NEGR1: variants seen among roughly 807,000 people sequenced by gnomAD.
The protein encoded by NEGR1 is IgLON family member 4.
Under a neutral mutation model 40.9 loss-of-function variants are expected in NEGR1, and 10 were observed. The ratio of observed to expected loss-of-function variants is 0.24; its 90% CI spans 0.15 to 0.42. The LOEUF is 0.42. NEGR1 is among the 10% of genes least tolerant of loss of function. The pLI, the probability that NEGR1 is intolerant of heterozygous loss-of-function variation, is 1.00. For synonymous variants in NEGR1, 185 were observed against 166.8 expected (o/e 1.11, Z -0.84); for missense variants, 352 against 438.9 (o/e 0.80, Z 1.77).
intron 5 of NEGR1, among the ~76,000 whole-genome samples, chr1:71,609,848 T>C (rs1650195986): frequency 6.6e-6 from 1 of 152,210 alleles, no homozygotes; most frequent in South Asian, 2.1e-4. Context: ...AATCCCCATA[T>C]GTTGGGGGAA....
chr1:72,225,969 C>G (rs995854966), intron 1 of NEGR1, among the ~76,000 whole-genome samples: 5 of 151,568 alleles, frequency 3.3e-5, no homozygotes, highest in Admixed American at 1.3e-4. Flanking sequence ...TAGGAGGTAA[C>G]TTAGCAGGAA....
At chr1:71,931,230 C>G (rs1645852827) in intron 2 of NEGR1, among the ~76,000 whole-genome samples, 1 of 152,086 alleles carries the variant, frequency 6.6e-6, no homozygotes, top group African/African-American at 2.4e-5. Context: ...CCTACTCTGA[C>G]CAGAGAAAAC....
intron 5 of NEGR1, among the ~76,000 whole-genome samples, chr1:71,603,838 A>T (rs928284401): frequency 6.6e-5 from 10 of 152,198 alleles, no homozygotes; most frequent in Non-Finnish European, 1.3e-4. Flanking sequence ...AACCATAAGT[A>T]AAAATCAGTA....
intron 6 of NEGR1, among the ~76,000 whole-genome samples, chr1:71,410,092 T>G (rs970781199): frequency 3.9e-5 from 6 of 152,094 alleles, no homozygotes; most frequent in African/African-American, 9.6e-5. Context: ...TATTTTAAAT[T>G]TATTACTTTA....
chr1:72,207,024 GC>G lies in NEGR1; in HGVS notation c.176+75294del, dbSNP rs1261094171. 2.7e-5 allele frequency among the ~76,000 whole-genome samples: 4 copies of G among 150,692 alleles called. No homozygotes were observed. The Admixed American group carries it at 2.7e-4, about 10-fold the overall frequency. On this transcript the variant is annotated intron_variant, in intron 1 of 6. Transcript: ENST00000357731. ...AGACATAAGTTATTCCTAACAAGTGGCAGGCCCATGAGGAATTGGAAATAAG... is the reference window on the plus strand; with the variant it reads ...AGACATAAGTTATTCCTAACAAGTGGAGGCCCATGAGGAATTGGAAATAAG...
intron 1 of NEGR1, among the ~76,000 whole-genome samples, chr1:71,995,814 A>G (rs752093505): frequency 1.8e-4 from 28 of 152,182 alleles, no homozygotes; most frequent in Non-Finnish European, 3.7e-4. Context: ...CAACACAAAC[A>G]TGATATTCTA....
chr1:72,028,865 C>T (rs1646833705), intron 1 of NEGR1, among the ~76,000 whole-genome samples: 1 of 152,220 alleles, frequency 6.6e-6, no homozygotes, highest in East Asian at 1.9e-4. Context: ...AAGAGCTCTT[C>T]GAAGGTAAGA....
At chr1:72,079,193 A>G (rs1157286395) in intron 1 of NEGR1, among the ~76,000 whole-genome samples, 2 of 151,256 alleles carry the variant, frequency 1.3e-5, no homozygotes, top group African/African-American at 2.4e-5. Flanking sequence ...TTAAAAAGTG[A>G]AAGTAATTTG....
chr1:71,897,148 T>C (rs1313179237), intron 2 of NEGR1, among the ~76,000 whole-genome samples: 2 of 151,758 alleles, frequency 1.3e-5, no homozygotes, highest in Non-Finnish European at 2.9e-5. Flanking sequence ...TATAGACATA[T>C]ATATGTTATA....
chr1:72,083,914 G>T (rs1648105031), intron 1 of NEGR1, among the ~76,000 whole-genome samples: 1 of 152,088 alleles, frequency 6.6e-6, no homozygotes, highest in South Asian at 2.1e-4. Context: ...AAAGAGCATA[G>T]TCTTGAGGTT....
chr1:71,565,666 G>T (rs1437371167), intron 6 of NEGR1, among the ~76,000 whole-genome samples: 1 of 152,096 alleles, frequency 6.6e-6, no homozygotes, highest in African/African-American at 2.4e-5. Context: ...ACAGCACACA[G>T]CTGAAGGAAG....
chr1:71,575,769 C>A (rs1284550816), intron 6 of NEGR1, among the ~76,000 whole-genome samples: 1 of 151,784 alleles, frequency 6.6e-6, no homozygotes, highest in African/African-American at 2.4e-5. Context: ...GGCGACAGTG[C>A]GAGACTCCGG....
intron 1 of NEGR1, among the ~76,000 whole-genome samples, chr1:72,096,052 C>G (rs1267801845): frequency 6.6e-6 from 1 of 151,964 alleles, no homozygotes; most frequent in Non-Finnish European, 1.5e-5. Flanking sequence ...TACGAGGCCT[C>G]AAACCCAGTT....
At chr1:72,074,114 C>T (rs1487017460) in intron 1 of NEGR1, among the ~76,000 whole-genome samples, 3 of 151,932 alleles carry the variant, frequency 2.0e-5, no homozygotes, top group Admixed American at 6.6e-5. Flanking sequence ...CCTTTGTTTT[C>T]CTTTCATGGT....
chr1:71,667,785 T>G (rs1652291361), intron 4 of NEGR1, among the ~76,000 whole-genome samples: 1 of 152,176 alleles, frequency 6.6e-6, no homozygotes, highest in East Asian at 1.9e-4. Context: ...TCACTAGCTT[T>G]GTGAGTGTGG....
intron 1 of NEGR1, among the ~76,000 whole-genome samples, chr1:72,081,192 AT>A (rs1260554091): frequency 1.3e-5 from 2 of 152,076 alleles, no homozygotes; most frequent in African/African-American, 4.8e-5. Context: ...AGGTAGTGCA[AT>A]CATAAGTTCT....
intron 1 of NEGR1, among the ~76,000 whole-genome samples, chr1:72,255,909 C>T (rs1655258630): frequency 1.3e-5 from 2 of 152,150 alleles, no homozygotes; most frequent in Admixed American, 1.3e-4. Context: ...ATTACATTTG[C>T]TCCAAATTAA....
chr1:71,501,944 T>C (rs78618223), intron 6 of NEGR1, among the ~76,000 whole-genome samples: 1 of 152,332 alleles, frequency 6.6e-6, no homozygotes, highest in East Asian at 1.9e-4. Context: ...GACTTTTTTG[T>C]CCAACTTTCT....
intron 4 of NEGR1, among the ~76,000 whole-genome samples, chr1:71,686,644 A>G (rs545389063): frequency 1.2e-4 from 18 of 152,200 alleles, no homozygotes; most frequent in Non-Finnish European, 2.6e-4. Flanking sequence ...TAGACAATGT[A>G]GTCCAAGCAG....
Sources: allele counts gnomAD v4.1 joint callset (sites outside exome capture counted in the v4.1 genomes callset), GRCh38; gene constraint gnomAD v4.1.1; transcripts MANE v1.5; gene names NCBI Gene and HGNC (gene_info 2026-07-23, HGNC 2026-07-21).